The following ABCA10 variants were observed in gnomAD, a reference collection of about 807,000 sequenced individuals.
ABCA10 encodes ATP binding cassette subfamily A member 10, also known as ATP-binding cassette sub-family A member 10.
ABCA10 carries 169 observed loss-of-function variants against 187.5 expected under a neutral mutation model. The ratio of observed to expected loss-of-function variants is 0.90; its 90% CI spans 0.80 to 1.02. The LOEUF (loss-of-function observed/expected upper bound fraction) is 1.02. ABCA10 is among the 50% of genes least tolerant of loss of function. The pLI, the probability that ABCA10 is intolerant of heterozygous loss-of-function variation, is 0.00. For missense variants in ABCA10, 1,727 were observed against 1,812.4 expected, an observed-to-expected ratio of 0.95 and a Z score of 0.86; for synonymous variants, 574 against 601.8, an observed-to-expected ratio of 0.95 and a Z score of 0.68.
At position 69,211,327 on chromosome 17, in the gene ABCA10, A is replaced by ATGTG. The variant is rs1568070263; in HGVS notation, c.1006+3376_1006+3377insCACA. On this transcript the variant is annotated intron_variant, in intron 9 of 38. Transcript: ENST00000690296. Reference sequence around the variant, plus strand: ...CATCATATATATGATATATATATATATATATATATATATATATATATATAT... The same window carrying ATGTG: ...CATCATATATATGATATATATATATATGTGTATATATATATATATATATATATAT... Among the ~76,000 whole-genome samples the ATGTG allele has an allele frequency of 8.5e-3, 282 of 33,060 alleles. 5 individuals carry two copies. The highest frequency in any genetic ancestry group is 0.033 in the African/African-American group (263 of 7,902). The allele number at this position is 33,060 out of a possible 152,430, so 21.7% of individuals were successfully genotyped here. A position where few individuals can be genotyped will look rare whatever the true frequency, so the allele number is the denominator to read the frequency against.
At position 69,175,409 on chromosome 17, in the gene ABCA10, A is replaced by G. The variant is rs758256179; in HGVS notation, c.2874T>C (p.Tyr958=). ...PFIGMSSISD[Y]KKNVQSQLWI... Reference sequence around the variant, plus strand: ...ATTTCCTCTCTCTCCCTCTTACTTTATAATCGCTGATGCTGCTCATGCCGA... The same window carrying G: ...ATTTCCTCTCTCTCCCTCTTACTTTGTAATCGCTGATGCTGCTCATGCCGA... The change falls in exon 23 of 39, where the codon TAT becomes TAC. Residue 958 remains tyrosine, a synonymous_variant. Transcript: ENST00000690296. 5.0e-6 allele frequency: 8 copies of G among 1,606,628 alleles called. No homozygotes were observed. The highest frequency in any genetic ancestry group is 1.3e-5 in the African/African-American group (1 of 74,528).
intron 23 of ABCA10, 73 bp from the exon 24 acceptor site, chr17:69,174,850 G>T: frequency 9.0e-6 from 12 of 1,334,342 alleles, no homozygotes; most frequent in African/African-American, 1.5e-5. Context: ...AAAAAAAATT[G>T]TTTAATAAAT....
intron 5 of ABCA10, among the ~76,000 whole-genome samples, chr17:69,220,246 G>A (rs2074737810): frequency 1.3e-5 from 2 of 151,990 alleles, no homozygotes; most frequent in Admixed American, 6.6e-5. Flanking sequence ...GGGGGAGGGG[G>A]GGTGGTTGAG....
At chr17:69,189,484 T>A (rs1392306195) in intron 18 of ABCA10, among the ~76,000 whole-genome samples, 1 of 152,196 alleles carries the variant, frequency 6.6e-6, no homozygotes, top group African/African-American at 2.4e-5. Context: ...CTGTTTACTC[T>A]GTTGATAGTT....
chr17:69,184,335 G>A (rs2074404204), intron 20 of ABCA10, among the ~76,000 whole-genome samples: 1 of 151,928 alleles, frequency 6.6e-6, no homozygotes, highest in South Asian at 2.1e-4. Context: ...ACTTATCCAG[G>A]CGACCCTAGG....
chr17:69,240,595 A>G (rs1558169), intron 1 of ABCA10, among the ~76,000 whole-genome samples: 5,759 of 152,216 alleles, frequency 0.038, 366 homozygotes, highest in African/African-American at 0.13. Context: ...TTTAGTAAAT[A>G]GTACCATGTG....
At chr17:69,170,573 C>G (rs1444248279) in intron 25 of ABCA10, among the ~76,000 whole-genome samples, 1 of 152,090 alleles carries the variant, frequency 6.6e-6, no homozygotes, top group Non-Finnish European at 1.5e-5. Flanking sequence ...ATTCTTCCAT[C>G]TGCTACAAAC....
Position 69,187,723 on chromosome 17 carries a change from C to T in ABCA10, c.2288G>A (p.Arg763His), listed in dbSNP as rs1369621882. 6 of 1,613,768 alleles carry T rather than the reference C, an allele frequency of 3.7e-6. No individual in the cohort carries two copies. Among genetic ancestry groups the T allele is most frequent in the Non-Finnish European group, 4.2e-6 (5 of 1,179,724 alleles). The change falls in exon 19 of 39, where the codon CGC becomes CAC. Residue 763 changes from arginine to histidine, a missense_variant. Physicochemically the swap from Arg to His is conservative, Grantham distance 29 (BLOSUM62 0). Transcript: ENST00000690296. ...RRQIYAVATLRFLKLRRERRA... is the reference protein window; with the variant it reads ...RRQIYAVATLHFLKLRRERRA... The stretch of plus-strand genomic sequence containing the variant: ...CCTTTCACGCCTTAACTTTAAGAAG[C>T]GAAGTGTTGCCACTGCATAGATTTG...
chr17:69,240,831 G>A (rs141017633), intron 1 of ABCA10, among the ~76,000 whole-genome samples: 47 of 152,238 alleles, frequency 3.1e-4, no homozygotes, highest in Admixed American at 7.2e-4. Flanking sequence ...TGTGCCACTG[G>A]GTCTCAAATC....
intron 9 of ABCA10, among the ~76,000 whole-genome samples, chr17:69,211,615 C>G (rs1208278695): frequency 6.6e-6 from 1 of 150,564 alleles, no homozygotes; most frequent in South Asian, 2.1e-4. Flanking sequence ...TTCCTGGACT[C>G]TTTGGGGGCG....
chr17:69,156,790 A>G, intron 28 of ABCA10, 42 bp downstream of exon 28: 1 of 1,173,016 alleles, frequency 8.5e-7, no homozygotes, highest in Non-Finnish European at 1.1e-6. Flanking sequence ...AAAAGACTAA[A>G]TATTTAGATT....
At chr17:69,210,435 C>A (rs1303461093) in intron 9 of ABCA10, among the ~76,000 whole-genome samples, 1 of 150,786 alleles carries the variant, frequency 6.6e-6, no homozygotes, top group East Asian at 2.0e-4. Flanking sequence ...ATGATCCACT[C>A]GCCTCGGCCT....
intron 24 of ABCA10, 60 bp from the exon 25 acceptor site, chr17:69,174,454 AGGGGAG>A: frequency 6.8e-7 from 1 of 1,465,058 alleles, no homozygotes; most frequent in Non-Finnish European, 9.3e-7. Context: ...GGGAAAGAGG[AGGGGAG>A]ATAATCAGGT....
intron 37 of ABCA10, chr17:69,149,395 T>C (rs555261418): frequency 9.8e-6 from 3 of 305,908 alleles, no homozygotes; most frequent in Non-Finnish European, 1.8e-5. Flanking sequence ...ATTCTATATT[T>C]GTAAATCTAC....
chr17:69,165,210 A>G, intron 25 of ABCA10, 127 bp from the exon 26 acceptor site: 1 of 764,336 alleles, frequency 1.3e-6, no homozygotes. Flanking sequence ...AGATAGAAAT[A>G]TTCTTAGGAT....
At chr17:69,154,365 G>C in intron 30 of ABCA10, 39 bp from the exon 31 acceptor site, 5 of 1,465,628 alleles carry the variant, frequency 3.4e-6, no homozygotes, top group Non-Finnish European at 4.7e-6. Context: ...GAATTTTCAA[G>C]GTTGACTAAT....
intron 19 of ABCA10, among the ~76,000 whole-genome samples, chr17:69,187,082 G>C (rs1415231187): frequency 6.6e-6 from 1 of 151,966 alleles, no homozygotes; most frequent in Non-Finnish European, 1.5e-5. Context: ...GAGTTTGTAG[G>C]GTGTCAGATT....
intron 16 of ABCA10, among the ~76,000 whole-genome samples, chr17:69,192,348 A>G (rs1472124421): frequency 1.3e-5 from 2 of 151,368 alleles, no homozygotes; most frequent in Non-Finnish European, 2.9e-5. Flanking sequence ...AAAAAGTTGT[A>G]TTAAGAAGTA....
At chr17:69,220,336 G>T (rs989421538) in intron 5 of ABCA10, among the ~76,000 whole-genome samples, 9 of 152,146 alleles carry the variant, frequency 5.9e-5, no homozygotes, top group African/African-American at 2.2e-4. Context: ...GCACAGAAAA[G>T]AGGTTCCTGC....
Sources: gnomAD v4.1 joint callset for allele counts (sites outside exome capture counted in the v4.1 genomes callset) on GRCh38, gnomAD v4.1.1 for gene constraint, MANE v1.5 for transcripts, NCBI Gene and HGNC (gene_info 2026-07-23, HGNC 2026-07-21) for gene names.